The following MYO1B variants were observed in gnomAD, a reference collection of about 807,000 sequenced individuals.
MYO1B encodes the protein myosin IB.
MYO1B carries 72 observed loss-of-function variants against 159.7 expected under a neutral mutation model. The ratio of observed to expected loss-of-function variants is 0.45; its 90% confidence interval spans 0.37 to 0.55. MYO1B has a LOEUF of 0.55. Among genes scored for constraint, MYO1B ranks in the 20% least tolerant of loss-of-function variants. MYO1B has a pLI of 0.00. For missense variants in MYO1B, 1,062 were observed against 1,364.8 expected, an observed-to-expected ratio of 0.78 and a Z score of 3.50; for synonymous variants, 468 against 473.8, an observed-to-expected ratio of 0.99 and a Z score of 0.16.
At chr2:191,246,078 T>C (rs1293226494) in intron 1 of MYO1B, 1 of 152,208 alleles carries the variant, frequency 6.6e-6, no homozygotes, top group Non-Finnish European at 1.5e-5. Flanking sequence ...GGAGTGGGGT[T>C]CAGGTGCGGT....
At chr2:191,311,918 T>A (rs1260658689) in intron 3 of MYO1B, among the ~76,000 whole-genome samples, 1 of 151,968 alleles carries the variant, frequency 6.6e-6, no homozygotes, top group Non-Finnish European at 1.5e-5. Context: ...AAGTAGAAAA[T>A]GATATATAAC....
chr2:191,410,004 A>G lies in MYO1B; in HGVS notation c.2766+826A>G, dbSNP rs79078143. Among the ~76,000 whole-genome samples, 1,009 of 152,266 alleles carry G rather than the reference A, an allele frequency of 6.6e-3. 30 individuals carry two copies. The highest frequency in any genetic ancestry group is 0.025 in the East Asian group (127 of 5,180). ...GTTTTTTTGTTAGAATCATCTATGT[A>G]TAGAGTGACATTATTGCTGATTAGC... On this transcript the variant is annotated intron_variant, in intron 26 of 30. Transcript: ENST00000392318.
At chr2:191,302,437 G>T (rs1218438993) in intron 3 of MYO1B, among the ~76,000 whole-genome samples, 2 of 152,172 alleles carry the variant, frequency 1.3e-5, no homozygotes, top group Non-Finnish European at 2.9e-5. Context: ...AAATGTACTT[G>T]ATAGGATACT....
rs1410436521 is a variant in MYO1B, at chr2:191,245,623, C to G, written c.-13C>G. 5.3e-5 allele frequency: 8 copies of G among 152,234 alleles called. No homozygotes were observed. The highest frequency in any genetic ancestry group is 3.9e-4 in the East Asian group (2 of 5,142). The allele number at this position is 152,234 out of a possible 1,614,324, so 9.4% of individuals were successfully genotyped here. ...TGGCGCCCGGCGAGGTAGCGCCAGG[C>G]GAGGTAGCGCGAGCGCTTTCTCTCT... On this transcript the variant is annotated 5_prime_UTR_variant, in exon 1 of 31. Transcript: ENST00000392318.
At chr2:191,394,377 C>A (rs1695940746) in intron 20 of MYO1B, among the ~76,000 whole-genome samples, 2 of 152,152 alleles carry the variant, frequency 1.3e-5, no homozygotes, top group South Asian at 4.1e-4. Flanking sequence ...AACAAGAGGA[C>A]CAAAAAGTCC....
At position 191,410,612 on chromosome 2, in the gene MYO1B, TAGC is replaced by T. The variant is rs775754543; in HGVS notation, c.2767-451_2767-449del. Among the ~76,000 whole-genome samples the T allele has an allele frequency of 3.5e-4, 53 of 152,310 alleles. No individual in the cohort carries two copies. The Middle Eastern group carries it at 0.017, about 49-fold the overall frequency. On this transcript the variant is annotated intron_variant, in intron 26 of 30. Transcript: ENST00000392318. ...CAATAAAATGCAATAGAATAGAAAATAGCAGAGTGTACAATATATAGAAAGGAT... is the reference window on the plus strand; with the variant it reads ...CAATAAAATGCAATAGAATAGAAAATAGAGTGTACAATATATAGAAAGGAT...
chr2:191,413,025 C>T (rs1028047466), intron 27 of MYO1B, among the ~76,000 whole-genome samples: 1 of 152,140 alleles, frequency 6.6e-6, no homozygotes, highest in Admixed American at 6.5e-5. Context: ...TTGATTGTTC[C>T]ATGTGATGAG....
intron 3 of MYO1B, among the ~76,000 whole-genome samples, chr2:191,302,643 T>A (rs1689407196): frequency 6.6e-6 from 1 of 152,242 alleles, no homozygotes; most frequent in East Asian, 1.9e-4. Flanking sequence ...CAACAAGCCC[T>A]CTGGTGGTCA....
intron 21 of MYO1B, among the ~76,000 whole-genome samples, chr2:191,397,132 T>C (rs1387393633): frequency 8.9e-6 from 1 of 112,076 alleles, no homozygotes; most frequent in African/African-American, 5.5e-5. Flanking sequence ...TGATTTCTTT[T>C]TTTTTTTTTT....
chr2:191,414,697 C>T, intron 29 of MYO1B, 28 bp downstream of exon 29: 3 of 1,584,902 alleles, frequency 1.9e-6, no homozygotes, highest in Non-Finnish European at 2.6e-6. Context: ...GATTTCTGTG[C>T]TTAATCTCTC....
rs780172526 is a variant in MYO1B, at chr2:191,277,047, G to T, written c.135+17G>T. ...GAAATATACGTAAGTACACACGAAG[G>T]TCATCTGTAATGTTTAGACTTTGTA... On this transcript the variant is annotated intron_variant, in intron 2 of 30. Coordinates refer to ENST00000392318, the MANE Select transcript of MYO1B (RefSeq NM_001130158.3). 2 of 1,610,964 alleles carry T rather than the reference G, an allele frequency of 1.2e-6. No individual in the cohort carries two copies. Among genetic ancestry groups the T allele is most frequent in the Admixed American group, 3.4e-5 (2 of 59,026 alleles).
At chr2:191,373,796 T>A (rs1233268228) in intron 13 of MYO1B, among the ~76,000 whole-genome samples, 1 of 152,192 alleles carries the variant, frequency 6.6e-6, no homozygotes, top group Non-Finnish European at 1.5e-5. Flanking sequence ...GCCATCAAAT[T>A]ATAAAAATTT....
At position 191,402,656 on chromosome 2, in the gene MYO1B, A is replaced by G. The variant is rs1559238629; in HGVS notation, c.2494A>G (p.Lys832Glu). ...GGCTCGAAGGGAATTGAAACGCTTG[A>G]AGGAGGAGGCTAGGCGTAAGCATGC... ...SKARRELKRL[K>E]EEARRKHAVA... Residue 832 changes from lysine to glutamate, a missense_variant, in exon 24 of 31, where the codon AAG (lysine) becomes GAG (glutamate). Physicochemically the swap from Lys to Glu is moderately conservative, Grantham distance 56. Around this residue, in one of 5 missense-constraint regions of MYO1B, gnomAD observed 609 missense variants for 744.4 expected, o/e 0.82. Coordinates refer to ENST00000392318, the MANE Select transcript of MYO1B (RefSeq NM_001130158.3). 6.2e-7 allele frequency: 1 copy of G among 1,613,768 alleles called. No homozygotes were observed. Among genetic ancestry groups the G allele is most frequent in the Middle Eastern group, 1.6e-4 (1 of 6,062 alleles).
chr2:191,354,784 T>A (rs1168582217), intron 7 of MYO1B, among the ~76,000 whole-genome samples: 1 of 152,170 alleles, frequency 6.6e-6, no homozygotes, highest in African/African-American at 2.4e-5. Flanking sequence ...GCATGTCACT[T>A]CTGCTGTACT....
intron 13 of MYO1B, among the ~76,000 whole-genome samples, chr2:191,374,859 T>C (rs962374376): frequency 6.6e-5 from 10 of 152,242 alleles, no homozygotes; most frequent in African/African-American, 2.4e-4. Context: ...AGATGGTCTG[T>C]GATTTCTGAG....
At chr2:191,281,569 C>G (rs901212136) in intron 2 of MYO1B, among the ~76,000 whole-genome samples, 2 of 152,214 alleles carry the variant, frequency 1.3e-5, no homozygotes, top group Admixed American at 1.3e-4. Context: ...CCCCGGCCCC[C>G]AGGCCAGATG....
chr2:191,336,824 C>A (rs1475481370), intron 4 of MYO1B, among the ~76,000 whole-genome samples: 1 of 152,072 alleles, frequency 6.6e-6, no homozygotes, highest in African/African-American at 2.4e-5. Flanking sequence ...GGCTCTGAAC[C>A]ACCAGACCTA....
intron 4 of MYO1B, among the ~76,000 whole-genome samples, chr2:191,338,276 T>C (rs954821749): frequency 6.6e-6 from 1 of 152,164 alleles, no homozygotes; most frequent in Admixed American, 6.5e-5. Context: ...GTTAAGAATC[T>C]GAAGATATTT....
chr2:191,298,525 A>C (rs1042416835), intron 3 of MYO1B, among the ~76,000 whole-genome samples: 1 of 152,286 alleles, frequency 6.6e-6, no homozygotes, highest in East Asian at 1.9e-4. Flanking sequence ...ATAAGCCAGG[A>C]ATCTACATTT....
Sources: gnomAD v4.1 joint callset for allele counts (sites outside exome capture counted in the v4.1 genomes callset) on GRCh38, gnomAD v4.1.1 for gene constraint, gnomAD v4.1.1 regional missense constraint, MANE v1.5 for transcripts, NCBI Gene and HGNC (gene_info 2026-07-23, HGNC 2026-07-21) for gene names.